The following NEURL1B variants were observed in gnomAD, a reference collection of about 807,000 sequenced individuals.
NEURL1B encodes neuralized E3 ubiquitin protein ligase 1B.
Under a neutral mutation model 37.4 loss-of-function variants are expected in NEURL1B, and 13 were observed. The observed-to-expected ratio is 0.35, with a 90% CI of 0.23 to 0.55. The LOEUF is 0.55. NEURL1B is among the 20% of genes least tolerant of loss of function. The pLI is 0.89. For missense variants in NEURL1B, 790 were observed against 879.2 expected (o/e 0.90, Z 1.28); for synonymous variants, 432 against 426.6 (o/e 1.01, Z -0.16).
chr5:172,669,819 GCCGTGCTGCGGCCCCGGCC>G lies in NEURL1B; in HGVS notation c.70_88del (p.Cys24SerfsTer80), dbSNP rs1240110197. 7.7e-7 allele frequency: 1 copy of G among 1,305,940 alleles called. No homozygotes were observed. The allele number at this position is 1,305,940 out of a possible 1,614,324, so 80.9% of individuals were successfully genotyped here. ...CACCGGCGCGCCTCCTGGCCACCCG[GCCGTGCTGCGGCCCCGGCC>G]CCGAGCGACGCCCGGTCCTGGGCGA... On this transcript the variant is annotated frameshift_variant, in exon 2 of 5. Coordinates refer to ENST00000369800, the MANE Select transcript of NEURL1B (RefSeq NM_001142651.3). LOFTEE classifies it high-confidence loss of function.
rs1341536437 is a variant in NEURL1B at position 172,686,187 on chromosome 5, C to T, written c.1314C>T (p.Ser438=). 2 of 1,551,646 alleles carry T rather than the reference C, an allele frequency of 1.3e-6. No homozygotes were observed. Among genetic ancestry groups the T allele is most frequent in the Non-Finnish European group, 1.7e-6 (2 of 1,146,948 alleles). The change falls in exon 4 of 5, where the codon AGC becomes AGT. Residue 438 remains serine, a synonymous_variant. Transcript: ENST00000369800. This position sits in a 1 kb window ranked among gnomAD's most constrained non-coding sequence, Gnocchi z 7.9. ...QLRLLGTLQS[S]PATTTPSGSL... ...GGGCCTCAGGTACCCTGCAGTCCAGCCCTGCGACCACGACTCCATCAGGGT... is the reference window on the plus strand; with the variant it reads ...GGGCCTCAGGTACCCTGCAGTCCAGTCCTGCGACCACGACTCCATCAGGGT...
rs1758559986 is a variant in NEURL1B, at chr5:172,688,527, C to G, written c.*1602C>G. ...GAGCAAAGCTGGGCCAGGCCTTCAC[C>G]AGATCAAGCCCCACAGACCAGCTGG... is the stretch of plus-strand genomic sequence containing the variant. On this transcript the variant is annotated 3_prime_UTR_variant, in exon 5 of 5. Coordinates refer to ENST00000369800, the MANE Select transcript of NEURL1B (RefSeq NM_001142651.3). The surrounding 1 kb of genome is among the most constrained non-coding windows in gnomAD (Gnocchi z 4.3). 1 of 152,258 alleles carries G rather than the reference C, an allele frequency of 6.6e-6. No individual in the cohort carries two copies. The allele number at this position is 152,258 out of a possible 1,614,324, so 9.4% of individuals were successfully genotyped here. A position where few individuals can be genotyped will look rare whatever the true frequency, so the allele number is the denominator to read the frequency against.
Position 172,686,904 on chromosome 5 carries a change from C to T in NEURL1B, c.1647C>T (p.Val549=). 1 of 1,549,726 alleles carries T rather than the reference C, an allele frequency of 6.5e-7. No individual in the cohort carries two copies. The highest frequency in any genetic ancestry group is 8.7e-7 in the Non-Finnish European group (1 of 1,146,102). ...TCTGCCGGCGGCCCATCAAGGACGT[C>T]ATTAAGATCTACAGGCCATAGCCTA... is the stretch of plus-strand genomic sequence containing the variant. ...CPICRRPIKD[V]IKIYRP is the part of the protein sequence containing the mutation. The change falls in exon 5 of 5, where the codon GTC becomes GTT. Residue 549 remains valine (V), a synonymous_variant. Transcript: ENST00000369800. The surrounding 1 kb of genome is among the most constrained non-coding windows in gnomAD (Gnocchi z 7.9).
Position 172,687,044 on chromosome 5 carries a change from C to A in NEURL1B, c.*119C>A. 1 of 1,207,684 alleles carries A rather than the reference C, an allele frequency of 8.3e-7. No homozygotes were observed. Among genetic ancestry groups the A allele is most frequent in the Non-Finnish European group, 1.1e-6 (1 of 880,680 alleles). The allele number at this position is 1,207,684 out of a possible 1,614,324, so 74.8% of individuals were successfully genotyped here. ...CAGCGGCCATCTCTCCAGTGGTGGGCAAGGTGTGACAGTCGTGGAGCGAGG... is the reference window on the plus strand; with the variant it reads ...CAGCGGCCATCTCTCCAGTGGTGGGAAAGGTGTGACAGTCGTGGAGCGAGG... On this transcript the variant is annotated 3_prime_UTR_variant, in exon 5 of 5. Transcript: ENST00000369800.
rs114697319 is a variant in NEURL1B at position 172,645,587 on chromosome 5, A to T, written c.31+4150A>T. 5.2e-3 allele frequency among the ~76,000 whole-genome samples: 789 copies of T among 152,202 alleles called. 3 individuals carry two copies. The highest frequency in any genetic ancestry group is 0.018 in the African/African-American group (728 of 41,532). ...CTGCATGGATGGCCCATGGAGTGATATTGCCTCTTCTCTTTCTACCTCTCC... is the reference window on the plus strand; with the variant it reads ...CTGCATGGATGGCCCATGGAGTGATTTTGCCTCTTCTCTTTCTACCTCTCC... On this transcript the variant is annotated intron_variant, in intron 1 of 4. Coordinates refer to ENST00000369800, the MANE Select transcript of NEURL1B (RefSeq NM_001142651.3).
At chr5:172,644,221 C>T (rs1199945763) in intron 1 of NEURL1B, among the ~76,000 whole-genome samples, 1 of 152,090 alleles carries the variant, frequency 6.6e-6, no homozygotes, top group Non-Finnish European at 1.5e-5. Flanking sequence ...GAATTTAATT[C>T]TTCTAACATC....
Position 172,657,510 on chromosome 5 carries a change from A to T in NEURL1B, c.32-12275A>T, listed in dbSNP as rs1487600612. ...AGCTTTTAATATTACTCTTTGTTGC[A>T]TTACTAATATAACCTAGGAATAACC... On this transcript the variant is annotated intron_variant, in intron 1 of 4. Transcript: ENST00000369800. The surrounding 1 kb of genome is among the most constrained non-coding windows in gnomAD (Gnocchi z 4.0). 6.6e-6 allele frequency among the ~76,000 whole-genome samples: 1 copy of T among 152,228 alleles called. No homozygotes were observed. Among genetic ancestry groups the T allele is most frequent in the Non-Finnish European group, 1.5e-5 (1 of 68,030 alleles).
chr5:172,656,502 C>G, intron 1 of NEURL1B: 2 of 1,602,954 alleles, frequency 1.2e-6, no homozygotes, highest in Non-Finnish European at 1.7e-6. Flanking sequence ...ACCATCTCCT[C>G]AGGCACAAGG....
chr5:172,651,779 A>C lies in NEURL1B; in HGVS notation c.31+10342A>C, dbSNP rs112994933. 5.2e-3 allele frequency among the ~76,000 whole-genome samples: 796 copies of C among 152,362 alleles called. 5 individuals carry two copies. Among genetic ancestry groups the C allele is most frequent in the African/African-American group, 0.018 (757 of 41,584 alleles). On this transcript the variant is annotated intron_variant, in intron 1 of 4. Transcript: ENST00000369800. ...ACCAAAATATTGACTCAAATCCTGCAGCTATTTGATTTCAGGCTTTAAATT... is the reference window on the plus strand; with the variant it reads ...ACCAAAATATTGACTCAAATCCTGCCGCTATTTGATTTCAGGCTTTAAATT...
chr5:172,660,107 G>A (rs1221646240), intron 1 of NEURL1B, among the ~76,000 whole-genome samples: 1 of 152,168 alleles, frequency 6.6e-6, no homozygotes, highest in Admixed American at 6.5e-5. Context: ...AGGAAGTGAT[G>A]TACTCGAGAA....
At position 172,657,443 on chromosome 5, in the gene NEURL1B, A is replaced by T. The variant is rs906817202; in HGVS notation, c.32-12342A>T. Among the ~76,000 whole-genome samples the T allele has an allele frequency of 1.3e-5, 2 of 152,256 alleles. No individual in the cohort carries two copies. On this transcript the variant is annotated intron_variant, in intron 1 of 4. Transcript: ENST00000369800. The surrounding 1 kb of genome is among the most constrained non-coding windows in gnomAD (Gnocchi z 4.0). ...ATACAAATTAGATATAGAGATGATC[A>T]TGGACAATTATCAATCATTATTATA...
rs112074811 is a variant in NEURL1B at position 172,676,077 on chromosome 5, G to T, written c.577+5747G>T. Among the ~76,000 whole-genome samples, 646 of 151,976 alleles carry T rather than the reference G, an allele frequency of 4.3e-3. 2 individuals are homozygous for T. Among genetic ancestry groups the T allele is most frequent in the African/African-American group, 0.015 (616 of 41,436 alleles). On this transcript the variant is annotated intron_variant, in intron 2 of 4. Transcript: ENST00000369800. The surrounding 1 kb of genome is among the most constrained non-coding windows in gnomAD (Gnocchi z 4.5). Reference sequence around the variant, plus strand: ...GATTGAAAAAGCAATGCCAGTCGGGGGTCATGGCATAGCAGACCATATTGT... The same window carrying T: ...GATTGAAAAAGCAATGCCAGTCGGGTGTCATGGCATAGCAGACCATATTGT...
Position 172,686,286 on chromosome 5 carries a change from G to T in NEURL1B, c.1413G>T (p.Glu471Asp), listed in dbSNP as rs1758494912. ...FSVNQSSSAS[E>D]SSLVTAPSSP... is the part of the protein sequence containing the mutation. ...TCAACCAGTCCTCCTCGGCATCTGA[G>T]TCATCCCTGGGTAAGGAAATGCAAA... is the stretch of plus-strand genomic sequence containing the variant. Residue 471 changes from glutamate to aspartate, a missense_variant, in exon 4 of 5, where the codon GAG (glutamate) becomes GAT (aspartate). Glu to Asp is a conservative substitution (Grantham distance 45, BLOSUM62 2). This residue lies in a region of NEURL1B where 115 missense variants were observed against 162.6 expected (regional missense o/e 0.71). Coordinates refer to ENST00000369800, the MANE Select transcript of NEURL1B (RefSeq NM_001142651.3). The surrounding 1 kb of genome is among the most constrained non-coding windows in gnomAD (Gnocchi z 7.9). 3.2e-6 allele frequency: 5 copies of T among 1,551,724 alleles called. No homozygotes were observed. The highest frequency in any genetic ancestry group is 4.4e-6 in the Non-Finnish European group (5 of 1,147,002).
rs531123886 is a variant in NEURL1B, at chr5:172,683,034, G to A, written c.578-385G>A. Among the ~76,000 whole-genome samples the A allele has an allele frequency of 6.6e-6, 1 of 152,202 alleles. No individual in the cohort carries two copies. Among genetic ancestry groups the A allele is most frequent in the Non-Finnish European group, 1.5e-5 (1 of 68,040 alleles). The stretch of plus-strand genomic sequence containing the variant: ...AGCTTATGTTCTAGTTGGGGAGACG[G>A]ACAATAAACGATTTTTAGATGCCCT... On this transcript the variant is annotated intron_variant, in intron 2 of 4. Transcript: ENST00000369800. This position sits in a 1 kb window ranked among gnomAD's most constrained non-coding sequence, Gnocchi z 5.6.
intron 1 of NEURL1B, among the ~76,000 whole-genome samples, chr5:172,663,465 G>T (rs1202643237): frequency 6.7e-6 from 1 of 148,392 alleles, no homozygotes. Flanking sequence ...ATGTTGCAGT[G>T]AGCCAAGATC....
In NEURL1B at chr5:172,683,930, C is replaced by T; in HGVS notation, c.1089C>T (p.Leu363=). The change falls in exon 3 of 5, where the codon CTC becomes CTT. Residue 363 remains leucine (L), a synonymous_variant. Coordinates refer to ENST00000369800, the MANE Select transcript of NEURL1B (RefSeq NM_001142651.3). The surrounding 1 kb of genome is among the most constrained non-coding windows in gnomAD (Gnocchi z 5.6). Reference sequence around the variant, plus strand: ...TGCCCGCCGACCCAGACGCGCTGCTCGACCGCAAAGAGTACTGGGTGGTGG... The same window carrying T: ...TGCCCGCCGACCCAGACGCGCTGCTTGACCGCAAAGAGTACTGGGTGGTGG... ...NELPADPDAL[L]DRKEYWVVAR... is the part of the protein sequence containing the mutation. 6.4e-6 allele frequency: 9 copies of T among 1,406,360 alleles called. No individual in the cohort carries two copies. The highest frequency in any genetic ancestry group is 8.4e-6 in the Non-Finnish European group (9 of 1,074,652). The allele number at this position is 1,406,360 out of a possible 1,614,324, so 87.1% of individuals were successfully genotyped here. A position where few individuals can be genotyped will look rare whatever the true frequency, so the allele number is the denominator to read the frequency against.
At position 172,675,124 on chromosome 5, in the gene NEURL1B, G is replaced by A. The variant is rs1232092867; in HGVS notation, c.577+4794G>A. The stretch of plus-strand genomic sequence containing the variant: ...ACTCCTGACCTCAGGTGATCCGCCC[G>A]CCTCGGCCTCCAAAAGTGCTGGGAT... On this transcript the variant is annotated intron_variant, in intron 2 of 4. Transcript: ENST00000369800. This position sits in a 1 kb window ranked among gnomAD's most constrained non-coding sequence, Gnocchi z 4.7. Among the ~76,000 whole-genome samples the A allele has an allele frequency of 2.6e-5, 4 of 152,234 alleles. No individual in the cohort carries two copies. The highest frequency in any genetic ancestry group is 4.8e-5 in the African/African-American group (2 of 41,552).
intron 2 of NEURL1B, 41 bp downstream of exon 2, chr5:172,670,371 G>A: frequency 7.5e-7 from 1 of 1,326,676 alleles, no homozygotes; most frequent in Non-Finnish European, 9.6e-7. Context: ...CCTGGCAGCG[G>A]TGCCTTTGCG....
intron 1 of NEURL1B, 124 bp from the exon 2 acceptor site, chr5:172,669,661 A>G (rs1428595988): frequency 1.3e-6 from 1 of 753,778 alleles, no homozygotes; most frequent in Non-Finnish European, 1.8e-6. Context: ...AACCTTCTTA[A>G]GTTTATCAGT....
Sources: gnomAD v4.1 joint callset for allele counts (sites outside exome capture counted in the v4.1 genomes callset) on GRCh38, gnomAD v4.1.1 for gene constraint, gnomAD v4.1.1 regional missense constraint, Gnocchi (gnomAD v3.1) non-coding constraint, MANE v1.5 for transcripts, NCBI Gene and HGNC (gene_info 2026-07-23, HGNC 2026-07-21) for gene names.